The following CSMD1 variants were observed in gnomAD, a reference collection of about 807,000 sequenced individuals.
CSMD1 encodes CUB and Sushi multiple domains 1, also known as CUB and sushi domain-containing protein 1.
Under a neutral mutation model 417.5 loss-of-function variants are expected in CSMD1, and 213 were observed. The ratio of observed to expected loss-of-function variants is 0.51; its 90% CI spans 0.46 to 0.57. The LOEUF (loss-of-function observed/expected upper bound fraction) is 0.57. Among genes scored for constraint, CSMD1 ranks in the 20% least tolerant of loss-of-function variants. The pLI is 0.00. For synonymous variants in CSMD1, 2,862 were observed against 1,736.8 expected (o/e 1.65, Z -16.11); for missense variants, 6,923 against 4,529.7 (o/e 1.53, Z -15.17).
rs145195225 is a variant in CSMD1, at chr8:3,634,235, T to C, written c.1010-17438A>G. 6.1e-4 allele frequency among the ~76,000 whole-genome samples: 93 copies of C among 152,336 alleles called. 1 individual carries two copies. Among genetic ancestry groups the C allele is most frequent in the Admixed American group, 1.5e-3 (23 of 15,306 alleles). On this transcript the variant is annotated intron_variant, in intron 7 of 69. Coordinates refer to ENST00000635120, the MANE Select transcript of CSMD1 (RefSeq NM_033225.6). ...ATAGTCTATGTGTTCACGTGATTAA[T>C]GGTGGGGGCCTTTGGCCACTTGGTC...
intron 2 of CSMD1, among the ~76,000 whole-genome samples, chr8:4,587,522 C>G (rs1799768754): frequency 6.6e-6 from 1 of 151,846 alleles, no homozygotes; most frequent in Non-Finnish European, 1.5e-5. Flanking sequence ...TGAATTTCTC[C>G]TTGTCCAAGT....
intron 3 of CSMD1, among the ~76,000 whole-genome samples, chr8:4,223,255 C>T (rs1801147142): frequency 6.6e-6 from 1 of 152,128 alleles, no homozygotes. Context: ...CTTTTTCTAT[C>T]AACTGACATT....
intron 2 of CSMD1, among the ~76,000 whole-genome samples, chr8:4,499,373 G>A (rs1390094140): frequency 1.3e-5 from 2 of 152,186 alleles, no homozygotes; most frequent in Admixed American, 6.5e-5. Flanking sequence ...ATACAAGCAG[G>A]CAAGTCTGCA....
At chr8:3,061,343 A>T (rs1274941718) in intron 49 of CSMD1, among the ~76,000 whole-genome samples, 1 of 152,226 alleles carries the variant, frequency 6.6e-6, no homozygotes, top group African/African-American at 2.4e-5. Context: ...TTCAGATTTA[A>T]TGTAAAAGAA....
At chr8:4,539,689 G>C (rs1797286574) in intron 2 of CSMD1, among the ~76,000 whole-genome samples, 1 of 152,142 alleles carries the variant, frequency 6.6e-6, no homozygotes, top group Non-Finnish European at 1.5e-5. Flanking sequence ...ATTATAGTAG[G>C]GGAAAATATC....
intron 3 of CSMD1, among the ~76,000 whole-genome samples, chr8:4,366,366 T>C (rs1802072261): frequency 6.6e-6 from 1 of 152,204 alleles, no homozygotes; most frequent in South Asian, 2.1e-4. Flanking sequence ...GTGTTTACCA[T>C]TGAGAATAGC....
intron 52 of CSMD1, 28 bp downstream of exon 52, chr8:3,018,449 G>T: frequency 6.2e-7 from 1 of 1,605,560 alleles, no homozygotes; most frequent in Non-Finnish European, 8.5e-7. Flanking sequence ...TCTGCATTAA[G>T]TAAGTGCCAG....
intron 39 of CSMD1, among the ~76,000 whole-genome samples, chr8:3,154,809 C>T (rs980717093): frequency 6.6e-6 from 1 of 152,116 alleles, no homozygotes; most frequent in South Asian, 2.1e-4. Context: ...TTCATTAGTA[C>T]TTTTATTTTT....
intron 3 of CSMD1, among the ~76,000 whole-genome samples, chr8:4,186,303 G>A (rs1798672797): frequency 6.6e-6 from 1 of 152,060 alleles, no homozygotes; most frequent in African/African-American, 2.4e-5. Context: ...TTCAAGGTTG[G>A]GGGCAGTCAG....
rs1387492805 is a variant in CSMD1, at chr8:3,316,722, AGGAAAGGTCACG to A, written c.3632-8231_3632-8220del. Among the ~76,000 whole-genome samples the A allele has an allele frequency of 3.9e-5, 6 of 152,196 alleles. No individual in the cohort carries two copies. In the East Asian group the frequency reaches 1.2e-3, roughly 29 times the overall value. ...TGGAGACAGGGATTGAAGGGAAGAC[AGGAAAGGTCACG>A]GGAAAGACTGGAAAGGACTCGGCTG... On this transcript the variant is annotated intron_variant, in intron 23 of 69. Coordinates refer to ENST00000635120, the MANE Select transcript of CSMD1 (RefSeq NM_033225.6).
At chr8:3,974,815 T>A (rs1385763483) in intron 5 of CSMD1, among the ~76,000 whole-genome samples, 2 of 152,104 alleles carry the variant, frequency 1.3e-5, no homozygotes, top group Non-Finnish European at 2.9e-5. Context: ...ATAAAGCATC[T>A]CCAATGATGC....
chr8:4,306,635 T>G (rs2128876536), intron 3 of CSMD1, among the ~76,000 whole-genome samples: 1 of 152,272 alleles, frequency 6.6e-6, no homozygotes, highest in East Asian at 1.9e-4. Flanking sequence ...TTCACACATC[T>G]GGATGTATCC....
chr8:4,804,053 G>A (rs1457923944), intron 1 of CSMD1, among the ~76,000 whole-genome samples: 3 of 152,136 alleles, frequency 2.0e-5, no homozygotes, highest in South Asian at 2.1e-4. Context: ...AACAGTATTA[G>A]GGGTGTGTTC....
At chr8:3,054,863 T>A (rs1458312046) in intron 49 of CSMD1, among the ~76,000 whole-genome samples, 3 of 152,182 alleles carry the variant, frequency 2.0e-5, no homozygotes, top group African/African-American at 7.2e-5. Context: ...GCAACAGATC[T>A]GTGGGAAGAC....
intron 3 of CSMD1, among the ~76,000 whole-genome samples, chr8:4,158,980 A>T (rs1295116580): frequency 6.6e-6 from 1 of 152,136 alleles, no homozygotes; most frequent in African/African-American, 2.4e-5. Context: ...CAGTGGCACA[A>T]TCTCAGCTCA....
intron 12 of CSMD1, among the ~76,000 whole-genome samples, chr8:3,445,539 T>C (rs569510414): frequency 6.6e-6 from 1 of 152,188 alleles, no homozygotes; most frequent in African/African-American, 2.4e-5. Context: ...TACACATTTT[T>C]TTTTAATAGA....
intron 1 of CSMD1, among the ~76,000 whole-genome samples, chr8:4,966,949 G>C (rs1809906157): frequency 6.6e-6 from 1 of 152,144 alleles, no homozygotes; most frequent in Non-Finnish European, 1.5e-5. Context: ...ATTCCTTAGA[G>C]AACGTTTGCT....
intron 5 of CSMD1, among the ~76,000 whole-genome samples, chr8:3,916,280 G>C (rs1410415252): frequency 1.3e-5 from 2 of 152,130 alleles, no homozygotes; most frequent in African/African-American, 2.4e-5. Flanking sequence ...AGCTTTTGTG[G>C]AAAGTCTCAT....
chr8:4,180,502 C>T (rs1482546563), intron 3 of CSMD1, among the ~76,000 whole-genome samples: 3 of 151,556 alleles, frequency 2.0e-5, no homozygotes, highest in Non-Finnish European at 4.4e-5. Context: ...GGGTGCAGCA[C>T]ACCAGCATGG....
Sources: allele counts gnomAD v4.1 joint callset (sites outside exome capture counted in the v4.1 genomes callset), GRCh38; gene constraint gnomAD v4.1.1; transcripts MANE v1.5; gene names NCBI Gene and HGNC (gene_info 2026-07-23, HGNC 2026-07-21).